VPS13C: variants seen among roughly 807,000 people sequenced by gnomAD.
VPS13C encodes intermembrane lipid transfer protein VPS13C.
VPS13C carries 358 observed loss-of-function variants against 456.8 expected under a neutral mutation model. The ratio of observed to expected loss-of-function variants is 0.78; its 90% CI spans 0.72 to 0.86. The LOEUF (loss-of-function observed/expected upper bound fraction) is 0.86, where lower values mean the gene tolerates loss of function less well. VPS13C is among the 40% of genes least tolerant of loss of function. VPS13C has a pLI of 0.00. For missense variants in VPS13C, 4,818 were observed against 4,385.4 expected, an observed-to-expected ratio of 1.10 and a Z score of -2.79; for synonymous variants, 1,578 against 1,486.7, an observed-to-expected ratio of 1.06 and a Z score of -1.41.
intron 36 of VPS13C, among the ~76,000 whole-genome samples, chr15:61,958,979 T>G (rs2045103656): frequency 6.6e-6 from 1 of 152,064 alleles, no homozygotes; most frequent in African/African-American, 2.4e-5. Flanking sequence ...TTATGTTTAT[T>G]GAAAGTTAAT....
chr15:61,856,454 C>T (rs374206740), intron 82 of VPS13C, 45 bp from the exon 83 acceptor site: 166 of 1,605,266 alleles, frequency 1.0e-4, no homozygotes, highest in Non-Finnish European at 1.2e-4. Context: ...ATGATGAAGA[C>T]AGTTTATTCT....
Position 61,873,354 on chromosome 15 carries a change from T to C in VPS13C, c.10470A>G (p.Ala3490=), listed in dbSNP as rs17303887. 115,019 of 1,613,326 alleles carry C rather than the reference T, an allele frequency of 0.071. 4,448 individuals are homozygous for C. Among genetic ancestry groups the C allele is most frequent in the Middle Eastern group, 0.081 (491 of 6,060 alleles). Residue 3490 remains alanine (A), a synonymous_variant, in exon 78 of 85, where the codon GCA becomes GCG. Transcript: ENST00000644861. ...RITGSVGKGL[A]AITMDKEYQQ... ...GATATTCCTTGTCCATTGTAATTGC[T>C]GCCAAACCTTTCCCAACAGAACCGG...
intron 22 of VPS13C, among the ~76,000 whole-genome samples, chr15:61,981,127 T>C (rs2045872470): frequency 6.6e-6 from 1 of 152,202 alleles, no homozygotes; most frequent in African/African-American, 2.4e-5. Flanking sequence ...GTCCTTACTG[T>C]CAAATCACCC....
chr15:61,857,709 G>A (rs979686657), intron 82 of VPS13C, among the ~76,000 whole-genome samples: 2 of 152,146 alleles, frequency 1.3e-5, no homozygotes, highest in African/African-American at 4.8e-5. Flanking sequence ...AATCAAGGTA[G>A]GAAGTTACGG....
chr15:61,881,846 G>A lies in VPS13C; in HGVS notation c.9625-18C>T, dbSNP rs375453056. The A allele has an allele frequency of 2.5e-5, 40 of 1,569,208 alleles. No homozygotes were observed. In the African/African-American group the frequency reaches 3.9e-4, roughly 15 times the overall value. ...TTATCAACCTGAAAGAAAAGAAAAC[G>A]AACTTATCAAGATTTCAAATAATTT... is the stretch of plus-strand genomic sequence containing the variant. On this transcript the variant is annotated intron_variant, in intron 69 of 84. Coordinates refer to ENST00000644861, the MANE Select transcript of VPS13C (RefSeq NM_020821.3).
At chr15:62,018,772 G>C (rs2047351156) in intron 9 of VPS13C, among the ~76,000 whole-genome samples, 1 of 152,134 alleles carries the variant, frequency 6.6e-6, no homozygotes, top group South Asian at 2.1e-4. Flanking sequence ...TCTCTGCCAG[G>C]CTTTGGTATC....
intron 42 of VPS13C, among the ~76,000 whole-genome samples, chr15:61,948,706 A>G (rs1301582250): frequency 6.6e-6 from 1 of 151,928 alleles, no homozygotes; most frequent in African/African-American, 2.4e-5. Flanking sequence ...GAAAAATCAG[A>G]TCCTTGTACC....
chr15:62,003,917 T>C (rs2046731548), intron 15 of VPS13C, among the ~76,000 whole-genome samples: 1 of 151,580 alleles, frequency 6.6e-6, no homozygotes, highest in African/African-American at 2.4e-5. Flanking sequence ...CTGGATTCGG[T>C]TTGCCAGTAT....
At chr15:61,932,612 T>C (rs1166078785) in intron 49 of VPS13C, among the ~76,000 whole-genome samples, 1 of 151,924 alleles carries the variant, frequency 6.6e-6, no homozygotes, top group African/African-American at 2.4e-5. Context: ...GACCCTGGCA[T>C]TGATAATAGG....
chr15:61,939,003 C>CT (rs2044324743), intron 47 of VPS13C, among the ~76,000 whole-genome samples: 1 of 152,068 alleles, frequency 6.6e-6, no homozygotes, highest in African/African-American at 2.4e-5. Flanking sequence ...TTGCAACTCA[C>CT]TTTTTTCATT....
intron 25 of VPS13C, 109 bp downstream of exon 25, chr15:61,974,179 T>C: frequency 1.8e-6 from 2 of 1,138,924 alleles, no homozygotes; most frequent in Non-Finnish European, 2.3e-6. Flanking sequence ...TTTACTTTCA[T>C]TTCTGTACTT....
At chr15:61,872,618 A>AT (rs1895118344) in intron 78 of VPS13C, among the ~76,000 whole-genome samples, 1 of 152,122 alleles carries the variant, frequency 6.6e-6, no homozygotes, top group Non-Finnish European at 1.5e-5. Context: ...ATTTTTAATC[A>AT]TTATGAAGTA....
chr15:61,947,178 G>C lies in VPS13C; in HGVS notation c.4876+15C>G, dbSNP rs1375199800. 1 of 1,476,416 alleles carries C rather than the reference G, an allele frequency of 6.8e-7. No individual in the cohort carries two copies. The highest frequency in any genetic ancestry group is 1.3e-5 in the South Asian group (1 of 78,138). The allele number at this position is 1,476,416 out of a possible 1,614,324, so 91.5% of individuals were successfully genotyped here. Reference sequence around the variant, plus strand: ...AAAGAAACAGAAATACCTACAACAAGAAGTAACTACTTACCATGTATTTTA... The same window carrying C: ...AAAGAAACAGAAATACCTACAACAACAAGTAACTACTTACCATGTATTTTA... On this transcript the variant is annotated intron_variant, in intron 43 of 84. Coordinates refer to ENST00000644861, the MANE Select transcript of VPS13C (RefSeq NM_020821.3).
intron 16 of VPS13C, among the ~76,000 whole-genome samples, chr15:61,999,037 CT>C (rs1336268563): frequency 6.6e-6 from 1 of 152,054 alleles, no homozygotes; most frequent in African/African-American, 2.4e-5. Context: ...ATCAATAAGG[CT>C]TTTGGTTAAC....
At chr15:61,885,286 AC>A (rs1478688380) in intron 67 of VPS13C, among the ~76,000 whole-genome samples, 2 of 152,126 alleles carry the variant, frequency 1.3e-5, no homozygotes, top group African/African-American at 4.8e-5. Flanking sequence ...TCATTAAAAA[AC>A]ATCATCAATT....
At chr15:61,860,928 G>T (rs1045732823) in intron 82 of VPS13C, among the ~76,000 whole-genome samples, 3 of 149,456 alleles carry the variant, frequency 2.0e-5, no homozygotes, top group Non-Finnish European at 4.4e-5. Flanking sequence ...AAACTAGAAC[G>T]CATGTATGGT....
At chr15:61,983,129 A>T (rs1382199737) in intron 20 of VPS13C, among the ~76,000 whole-genome samples, 2 of 152,144 alleles carry the variant, frequency 1.3e-5, no homozygotes, top group African/African-American at 4.8e-5. Flanking sequence ...CACAATTAAA[A>T]TTTTTTAATT....
chr15:61,920,630 A>G lies in VPS13C; in HGVS notation c.7080T>C (p.Val2360=). The G allele has an allele frequency of 6.3e-7, 1 of 1,577,362 alleles. No individual in the cohort carries two copies. The highest frequency in any genetic ancestry group is 8.5e-7 in the Non-Finnish European group (1 of 1,170,006). Residue 2360 remains valine (V), a synonymous_variant, in exon 56 of 85, where the codon GTT becomes GTC. Transcript: ENST00000644861. ...CTCCTGGCAGCAAACTTTTATCCTG[A>G]ACTGGGTTCTTCTTTACCTATGAAG... is the stretch of plus-strand genomic sequence containing the variant. ...NLRLDVKKNP[V]QDKSLLPGDD... is the part of the protein sequence containing the mutation.
chr15:62,060,409 G>A lies in VPS13C; in HGVS notation c.-35C>T, dbSNP rs1224988452. ...GAGGCACAAGGAGAGGGAGGAGCCG[G>A]AACCGCCCGGCGCAGCTGAGGGCTG... On this transcript the variant is annotated 5_prime_UTR_variant, in exon 1 of 85. Coordinates refer to ENST00000644861, the MANE Select transcript of VPS13C (RefSeq NM_020821.3). 1.2e-5 allele frequency: 14 copies of A among 1,174,200 alleles called. 1 individual carries two copies. In the South Asian group the frequency reaches 1.5e-4, roughly 13 times the overall value. 72.7% of individuals were successfully genotyped at this position (1,174,200 alleles called of 1,614,324 possible).
Sources: gnomAD v4.1 joint callset for allele counts (sites outside exome capture counted in the v4.1 genomes callset) on GRCh38, gnomAD v4.1.1 for gene constraint, MANE v1.5 for transcripts, NCBI Gene and HGNC (gene_info 2026-07-23, HGNC 2026-07-21) for gene names.